Variants in OR2T8 observed in about 807,000 individuals in gnomAD.
The protein encoded by OR2T8 is olfactory receptor 2T8.
For missense variants in OR2T8, 161 were observed against 389.4 expected, an observed-to-expected ratio of 0.41 and a Z score of 4.94; for synonymous variants, 56 against 154.3, an observed-to-expected ratio of 0.36 and a Z score of 4.72.
rs111279192 is a variant in OR2T8, at chr1:247,921,985, CTG to C, written c.*32_*33del. On this transcript the variant is annotated 3_prime_UTR_variant, in exon 2 of 2. Transcript: ENST00000641945. Reference sequence around the variant, plus strand: ...TATATATTTGCCCCAACATTCAAAACTGTGCAAAGTGTTTGTGTGGAATTTCC... The same window carrying C: ...TATATATTTGCCCCAACATTCAAAACTGCAAAGTGTTTGTGTGGAATTTCC... 2.0e-5 allele frequency: 32 copies of C among 1,602,624 alleles called. No individual in the cohort carries two copies. In the African/African-American group the frequency reaches 3.5e-4, roughly 17 times the overall value.
At position 247,922,023 on chromosome 1, in the gene OR2T8, G is replaced by A. The variant is rs2103002312; in HGVS notation, c.*67G>A. The A allele has an allele frequency of 6.6e-7, 1 of 1,506,390 alleles. No homozygotes were observed. The highest frequency in any genetic ancestry group is 9.1e-7 in the Non-Finnish European group (1 of 1,100,586). The allele number at this position is 1,506,390 out of a possible 1,614,324, so 93.3% of individuals were successfully genotyped here. A position where few individuals can be genotyped will look rare whatever the true frequency, so the allele number is the denominator to read the frequency against. On this transcript the variant is annotated 3_prime_UTR_variant, in exon 2 of 2. Transcript: ENST00000641945. The stretch of plus-strand genomic sequence containing the variant: ...TTGTGTGGAATTTCCTAGAAATAAG[G>A]AATATACACTTTTATTTCTACATCT...
Position 247,922,030 on chromosome 1 carries a change from C to T in OR2T8, c.*74C>T, listed in dbSNP as rs1660030898. Reference sequence around the variant, plus strand: ...GAATTTCCTAGAAATAAGGAATATACACTTTTATTTCTACATCTGTTGTCT... The same window carrying T: ...GAATTTCCTAGAAATAAGGAATATATACTTTTATTTCTACATCTGTTGTCT... On this transcript the variant is annotated 3_prime_UTR_variant, in exon 2 of 2. Coordinates refer to ENST00000641945, the MANE Select transcript of OR2T8 (RefSeq NM_001005522.2). 2.7e-6 allele frequency: 4 copies of T among 1,457,410 alleles called. No individual in the cohort carries two copies. The East Asian group carries it at 9.1e-5, about 33-fold the overall frequency. The allele number at this position is 1,457,410 out of a possible 1,614,324, so 90.3% of individuals were successfully genotyped here. A position where few individuals can be genotyped will look rare whatever the true frequency, so the allele number is the denominator to read the frequency against.
Position 247,922,345 on chromosome 1 carries a change from C to T in OR2T8, c.*389C>T, listed in dbSNP as rs1250786110. 6.6e-6 allele frequency among the ~76,000 whole-genome samples: 1 copy of T among 152,200 alleles called. No individual in the cohort carries two copies. ...TAAGATGTTCCTTTTCAACTAATTT[C>T]CACAAATATCTACCCTGGTAATTCA... is the stretch of plus-strand genomic sequence containing the variant. On this transcript the variant is annotated 3_prime_UTR_variant, in exon 2 of 2. Transcript: ENST00000641945.
Position 247,922,108 on chromosome 1 carries a change from C to T in OR2T8, c.*152C>T, listed in dbSNP as rs1660032185. 3.7e-6 allele frequency: 3 copies of T among 814,208 alleles called. No homozygotes were observed. In the South Asian group the frequency reaches 5.6e-5, roughly 15 times the overall value. The allele number at this position is 814,208 out of a possible 1,614,324, so 50.4% of individuals were successfully genotyped here. A position where few individuals can be genotyped will look rare whatever the true frequency, so the allele number is the denominator to read the frequency against. ...TTTGAATTGCAGATGAATCTTCATT[C>T]CTCGGGTTCATTTACTCAGCTATCA... On this transcript the variant is annotated 3_prime_UTR_variant, in exon 2 of 2. Transcript: ENST00000641945.
rs1335045019 is a variant in OR2T8, at chr1:247,920,274, C to G, written c.-265C>G. On this transcript the variant is annotated 5_prime_UTR_variant, in exon 1 of 2. Transcript: ENST00000641945. ...TCTCATTGCAACAAAGTACCTTGTA[C>G]AGTTAATGAAAATGTGTGTTTACCA... 1.3e-5 allele frequency: 2 copies of G among 152,152 alleles called. No homozygotes were observed. The highest frequency in any genetic ancestry group is 4.8e-5 in the African/African-American group (2 of 41,426). The allele number at this position is 152,152 out of a possible 1,614,324, so 9.4% of individuals were successfully genotyped here. A position where few individuals can be genotyped will look rare whatever the true frequency, so the allele number is the denominator to read the frequency against.
Position 247,921,163 on chromosome 1 carries a change from G to C in OR2T8, c.146G>C (p.Trp49Ser), listed in dbSNP as rs747341510. 5 of 1,569,312 alleles carry C rather than the reference G, an allele frequency of 3.2e-6. No individual in the cohort carries two copies. Among genetic ancestry groups the C allele is most frequent in the Non-Finnish European group, 4.3e-6 (5 of 1,159,708 alleles). ...TCCCTCATGATTCTCCTGATTCACT[G>C]GGACCACCGGCTCCACACGCCCATG... ...GNSLMILLIHWDHRLHTPMYF... is the reference protein window; with the variant it reads ...GNSLMILLIHSDHRLHTPMYF... Residue 49 changes from tryptophan to serine, a missense_variant, in exon 2 of 2, where the codon TGG (tryptophan) becomes TCG (serine). Trp to Ser is a radical substitution (Grantham distance 177, BLOSUM62 -3). Coordinates refer to ENST00000641945, the MANE Select transcript of OR2T8 (RefSeq NM_001005522.2).
intron 1 of OR2T8, among the ~76,000 whole-genome samples, 162 bp from the exon 2 acceptor site, chr1:247,920,832 TTTAA>T (rs1203506026): frequency 2.0e-5 from 3 of 152,160 alleles, no homozygotes; most frequent in South Asian, 2.1e-4. Context: ...TGAGAAAAAG[TTTAA>T]TTAATTTTAT....
Position 247,921,909 on chromosome 1 carries a change from G to T in OR2T8, c.892G>T (p.Ala298Ser), listed in dbSNP as rs781494727. Reference protein sequence around the residue: ...YSVKNSEVKGALTRCMGRCVA... With the variant: ...YSVKNSEVKGSLTRCMGRCVA... ...TGTGAAGAACAGTGAGGTGAAGGGAGCCCTGACAAGGTGTATGGGTCGGTG... is the reference window on the plus strand; with the variant it reads ...TGTGAAGAACAGTGAGGTGAAGGGATCCCTGACAAGGTGTATGGGTCGGTG... Residue 298 changes from alanine (A) to serine (S), a missense_variant, in exon 2 of 2, where the codon GCC becomes TCC. Physicochemically the swap from Ala to Ser is moderately conservative, Grantham distance 99. Transcript: ENST00000641945. The T allele has an allele frequency of 2.1e-5, 34 of 1,614,032 alleles. No homozygotes were observed. Among genetic ancestry groups the T allele is most frequent in the Middle Eastern group, 1.6e-4 (1 of 6,084 alleles).
At position 247,923,053 on chromosome 1, in the gene OR2T8, G is replaced by A. The variant is rs943266658; in HGVS notation, c.*1097G>A. Among the ~76,000 whole-genome samples the A allele has an allele frequency of 1.3e-5, 2 of 152,220 alleles. No individual in the cohort carries two copies. Among genetic ancestry groups the A allele is most frequent in the African/African-American group, 4.8e-5 (2 of 41,534 alleles). ...AAAAATCTGTATATGCTTCCAAAGC[G>A]AAAACAACTTGGTCATTAACTAATA... On this transcript the variant is annotated 3_prime_UTR_variant, in exon 2 of 2. Transcript: ENST00000641945.
chr1:247,921,596 C>G lies in OR2T8; in HGVS notation c.579C>G (p.Phe193Leu). ...VRLACADTSV[F>L]ENAMYICCVL... ...TGGCTTGTGCTGACACTTCAGTCTT[C>G]GAAAACGCCATGTACATCTGCTGTG... The change falls in exon 2 of 2, where the codon TTC becomes TTG. Residue 193 changes from phenylalanine to leucine, a missense_variant. By Grantham distance (22) the Phe-to-Leu change is conservative. Coordinates refer to ENST00000641945, the MANE Select transcript of OR2T8 (RefSeq NM_001005522.2). 1.6e-6 allele frequency: 2 copies of G among 1,288,062 alleles called. No individual in the cohort carries two copies. Among genetic ancestry groups the G allele is most frequent in the Non-Finnish European group, 2.2e-6 (2 of 918,270 alleles). The allele number at this position is 1,288,062 out of a possible 1,614,324, so 79.8% of individuals were successfully genotyped here.
In OR2T8 at chr1:247,922,871, G is replaced by A. The variant is rs1025532959; in HGVS notation, c.*915G>A. On this transcript the variant is annotated 3_prime_UTR_variant, in exon 2 of 2. Coordinates refer to ENST00000641945, the MANE Select transcript of OR2T8 (RefSeq NM_001005522.2). ...ACAAGTTCCTGTTGCTCCAAATGTC[G>A]ATGTTTTCTTCATTTTAGCAATTCT... 3.3e-5 allele frequency among the ~76,000 whole-genome samples: 5 copies of A among 152,110 alleles called. No homozygotes were observed. The highest frequency in any genetic ancestry group is 1.2e-4 in the African/African-American group (5 of 41,416).
In OR2T8 at chr1:247,922,191, A is replaced by G. The variant is rs549855889; in HGVS notation, c.*235A>G. Among the ~76,000 whole-genome samples, 6 of 152,342 alleles carry G rather than the reference A, an allele frequency of 3.9e-5. No homozygotes were observed. In the East Asian group the frequency reaches 1.2e-3, roughly 29 times the overall value. On this transcript the variant is annotated 3_prime_UTR_variant, in exon 2 of 2. Transcript: ENST00000641945. ...GGTGAACTCACTAATCCTTAGTAAGATGGTTTTACATCATACCTCACAATA... is the reference window on the plus strand; with the variant it reads ...GGTGAACTCACTAATCCTTAGTAAGGTGGTTTTACATCATACCTCACAATA...
chr1:247,922,030 C>G lies in OR2T8; in HGVS notation c.*74C>G. 1 of 1,457,410 alleles carries G rather than the reference C, an allele frequency of 6.9e-7. No individual in the cohort carries two copies. The highest frequency in any genetic ancestry group is 9.4e-7 in the Non-Finnish European group (1 of 1,060,324). 90.3% of individuals were successfully genotyped at this position (1,457,410 alleles called of 1,614,324 possible). The stretch of plus-strand genomic sequence containing the variant: ...GAATTTCCTAGAAATAAGGAATATA[C>G]ACTTTTATTTCTACATCTGTTGTCT... On this transcript the variant is annotated 3_prime_UTR_variant, in exon 2 of 2. Transcript: ENST00000641945.
In OR2T8 at chr1:247,921,927, G is replaced by C; in HGVS notation, c.910G>C (p.Gly304Arg). Residue 304 changes from glycine (G) to arginine (R), a missense_variant, in exon 2 of 2, where the codon GGT (glycine) becomes CGT (arginine). Transcript: ENST00000641945. ...EVKGALTRCM[G>R]RCVALSRE ...GAAGGGAGCCCTGACAAGGTGTATG[G>C]GTCGGTGTGTGGCCTTAAGTCGTGA... 1.9e-6 allele frequency: 3 copies of C among 1,614,130 alleles called. No homozygotes were observed. The highest frequency in any genetic ancestry group is 2.5e-6 in the Non-Finnish European group (3 of 1,180,034).
At position 247,923,137 on chromosome 1, in the gene OR2T8, GTTA is replaced by G; in HGVS notation, c.*1184_*1186del. Reference sequence around the variant, plus strand: ...TTTTGGAAATAAAATCATATATTGGGTTATTTTTTATTATATTTCCTGACACAT... The same window carrying G: ...TTTTGGAAATAAAATCATATATTGGGTTTTTTATTATATTTCCTGACACAT... On this transcript the variant is annotated 3_prime_UTR_variant, in exon 2 of 2. Transcript: ENST00000641945. Among the ~76,000 whole-genome samples, 1 of 152,114 alleles carries G rather than the reference GTTA, an allele frequency of 6.6e-6. No homozygotes were observed. The highest frequency in any genetic ancestry group is 1.9e-4 in the East Asian group (1 of 5,202).
In OR2T8 at chr1:247,922,067, T is replaced by G. The variant is rs918730826; in HGVS notation, c.*111T>G. On this transcript the variant is annotated 3_prime_UTR_variant, in exon 2 of 2. Transcript: ENST00000641945. ...TACATCTGTTGTCTCTGTGTGTGTG[T>G]GTGTTTGTGTGTTGCTTTGAATTGC... The G allele has an allele frequency of 1.8e-5, 20 of 1,119,208 alleles. No homozygotes were observed. The highest frequency in any genetic ancestry group is 2.5e-5 in the Non-Finnish European group (20 of 788,402). 69.3% of individuals were successfully genotyped at this position (1,119,208 alleles called of 1,614,324 possible).
At position 247,921,271 on chromosome 1, in the gene OR2T8, C is replaced by T. The variant is rs142691342; in HGVS notation, c.254C>T (p.Thr85Ile). 3.8e-6 allele frequency: 6 copies of T among 1,581,452 alleles called. No individual in the cohort carries two copies. Among genetic ancestry groups the T allele is most frequent in the African/African-American group, 3.0e-5 (2 of 66,526 alleles). ...CCCAAAATGGCGGCTGACTACTTGA[C>T]CGGAAGTAAGGCCATCTCCCGCGCT... ...TVPKMAADYL[T>I]GSKAISRAGC... The change falls in exon 2 of 2, where the codon ACC becomes ATC. Residue 85 changes from threonine (T) to isoleucine (I), a missense_variant. Physicochemically the swap from Thr to Ile is moderately conservative, Grantham distance 89. Coordinates refer to ENST00000641945, the MANE Select transcript of OR2T8 (RefSeq NM_001005522.2).
rs1317599713 is a variant in OR2T8, at chr1:247,922,232, A to G, written c.*276A>G. Reference sequence around the variant, plus strand: ...CCTCACAATAATTTTTTGTTCAAAGAATGAATTAACCATTCAAGCAGTTTT... The same window carrying G: ...CCTCACAATAATTTTTTGTTCAAAGGATGAATTAACCATTCAAGCAGTTTT... On this transcript the variant is annotated 3_prime_UTR_variant, in exon 2 of 2. Transcript: ENST00000641945. Among the ~76,000 whole-genome samples, 3 of 152,218 alleles carry G rather than the reference A, an allele frequency of 2.0e-5. No individual in the cohort carries two copies. The highest frequency in any genetic ancestry group is 7.2e-5 in the African/African-American group (3 of 41,474).
At position 247,922,548 on chromosome 1, in the gene OR2T8, C is replaced by T. The variant is rs1294657031; in HGVS notation, c.*592C>T. 6.6e-6 allele frequency among the ~76,000 whole-genome samples: 1 copy of T among 152,150 alleles called. No homozygotes were observed. Among genetic ancestry groups the T allele is most frequent in the African/African-American group, 2.4e-5 (1 of 41,434 alleles). The stretch of plus-strand genomic sequence containing the variant: ...AATAGTATGGTCTTGAATCTTGTTT[C>T]CTTCTTTCAGCTTAATGTATTTCTA... On this transcript the variant is annotated 3_prime_UTR_variant, in exon 2 of 2. Coordinates refer to ENST00000641945, the MANE Select transcript of OR2T8 (RefSeq NM_001005522.2).
Sources: allele counts gnomAD v4.1 joint callset (sites outside exome capture counted in the v4.1 genomes callset), GRCh38; gene constraint gnomAD v4.1.1; transcripts MANE v1.5; gene names NCBI Gene and HGNC (gene_info 2026-07-23, HGNC 2026-07-21).